Variants in RELB observed in about 807,000 individuals in gnomAD.
RELB encodes the protein transcription factor RelB.
RELB carries 14 observed loss-of-function variants against 55.4 expected under a neutral mutation model. That is an observed-to-expected ratio of 0.25 (90% confidence interval 0.17 to 0.40). RELB has a LOEUF of 0.40. RELB is among the 10% of genes least tolerant of loss of function. The probability of loss-of-function intolerance (pLI) is 1.00; values close to 1 mark genes in which losing one functional copy is unlikely to be tolerated. For synonymous variants in RELB, 409 were observed against 371.3 expected (o/e 1.10, Z -1.17); for missense variants, 669 against 830.7 (o/e 0.81, Z 2.39).
At chr19:45,025,212 G>A in intron 5 of RELB, 117 bp from the exon 6 acceptor site, 1 of 713,578 alleles carries the variant, frequency 1.4e-6, no homozygotes, top group Non-Finnish European at 2.5e-6. Context: ...CTGGGCCTGG[G>A]ATGTCAGCCC....
intron 4 of RELB, 51 bp downstream of exon 4, chr19:45,012,327 C>A: frequency 8.5e-7 from 1 of 1,178,940 alleles, no homozygotes; most frequent in South Asian, 2.1e-5. Flanking sequence ...TTCCCCTGCA[C>A]CCCGGAGCCA....
chr19:45,032,193 G>A (rs922154257), intron 8 of RELB, among the ~76,000 whole-genome samples: 5 of 151,914 alleles, frequency 3.3e-5, no homozygotes, highest in African/African-American at 1.2e-4. Flanking sequence ...CCGAGATCAT[G>A]CCACTGCACT....
At chr19:45,019,962 C>G (rs371516936) in intron 4 of RELB, among the ~76,000 whole-genome samples, 1 of 150,970 alleles carries the variant, frequency 6.6e-6, no homozygotes, top group Admixed American at 6.6e-5. Flanking sequence ...AGGTGATCCA[C>G]CCACCTCGGC....
At chr19:45,027,925 G>C (rs111394634) in intron 7 of RELB, among the ~76,000 whole-genome samples, 1 of 152,024 alleles carries the variant, frequency 6.6e-6, no homozygotes, top group African/African-American at 2.4e-5. Context: ...CTGTTGCCTA[G>C]GCAGTCATGC....
chr19:45,004,823 T>C lies in RELB; in HGVS notation c.154+1827T>C, dbSNP rs35047113. On this transcript the variant is annotated intron_variant, in intron 2 of 11. Transcript: ENST00000221452. ...TGGAGGTTGCCGTGAGCCGAGATCA[T>C]GGCATTGCACTCCAGCCTGGGCAAC... Among the ~76,000 whole-genome samples, 904 of 150,884 alleles carry C rather than the reference T, an allele frequency of 6.0e-3. 13 individuals are homozygous for C. Among genetic ancestry groups the C allele is most frequent in the African/African-American group, 0.02 (836 of 41,026 alleles).
intron 8 of RELB, among the ~76,000 whole-genome samples, chr19:45,031,264 C>T: frequency 6.6e-6 from 1 of 152,032 alleles, no homozygotes; most frequent in African/African-American, 2.4e-5. Context: ...GCTGGGACCA[C>T]AGGCGTGCGC....
chr19:45,014,193 A>T (rs1971395148), intron 4 of RELB, among the ~76,000 whole-genome samples: 1 of 139,250 alleles, frequency 7.2e-6, no homozygotes, highest in South Asian at 2.2e-4. Flanking sequence ...TTTTGGAGAC[A>T]GGGTCTCTCT....
chr19:45,020,073 A>T (rs892467552), intron 4 of RELB, among the ~76,000 whole-genome samples: 32 of 150,746 alleles, frequency 2.1e-4, no homozygotes, highest in African/African-American at 5.6e-4. Flanking sequence ...CTCCTTTTTT[A>T]AAAAAATTAA....
intron 3 of RELB, among the ~76,000 whole-genome samples, chr19:45,010,809 C>T (rs539106630): frequency 6.6e-6 from 1 of 152,214 alleles, no homozygotes; most frequent in East Asian, 1.9e-4. Context: ...TCCCGAGTAG[C>T]TGGGAGTACA....
intron 9 of RELB, among the ~76,000 whole-genome samples, 160 bp downstream of exon 9, chr19:45,032,909 C>T (rs149654627): frequency 1.8e-4 from 27 of 152,152 alleles, no homozygotes; most frequent in African/African-American, 6.0e-4. Flanking sequence ...GGTTGTGTGA[C>T]CTTGGCCTCT....
chr19:45,020,195 A>G (rs188161988), intron 4 of RELB, among the ~76,000 whole-genome samples: 228 of 151,792 alleles, frequency 1.5e-3, no homozygotes, highest in Non-Finnish European at 2.5e-3. Context: ...CCAGGTCACA[A>G]TACATGATTT....
chr19:45,008,490 T>G, intron 2 of RELB: 1 of 456,258 alleles, frequency 2.2e-6, no homozygotes, highest in Non-Finnish European at 4.4e-6. Context: ...AGAAGGATTT[T>G]CCCAGTTCAA....
chr19:45,002,431 C>A (rs1190170402), intron 1 of RELB, among the ~76,000 whole-genome samples: 2 of 152,168 alleles, frequency 1.3e-5, no homozygotes, highest in African/African-American at 4.8e-5. Context: ...AGGCTCACTG[C>A]AACCTCTGCC....
chr19:45,016,909 G>A (rs932183304), intron 4 of RELB, among the ~76,000 whole-genome samples: 5 of 152,178 alleles, frequency 3.3e-5, no homozygotes, highest in Non-Finnish European at 7.4e-5. Flanking sequence ...AAGTTTCTGG[G>A]ATCTGGTCAT....
At chr19:45,003,915 GTTTTTTTTTTTTTTT>G (rs1039624578) in intron 2 of RELB, among the ~76,000 whole-genome samples, 2 of 63,574 alleles carry the variant, frequency 3.1e-5, no homozygotes, top group Non-Finnish European at 5.6e-5. Context: ...TGTTTTTTGT[GTTTTTTTTTTTTTTT>G]TTTTTTTTTT....
chr19:45,037,055 G>A (rs1460906827), intron 11 of RELB, among the ~76,000 whole-genome samples: 2 of 152,124 alleles, frequency 1.3e-5, no homozygotes, highest in African/African-American at 4.8e-5. Context: ...GAAGCAGGTG[G>A]ATCACCTGAG....
chr19:45,029,437 T>A (rs905024457), intron 8 of RELB, among the ~76,000 whole-genome samples: 3 of 151,274 alleles, frequency 2.0e-5, no homozygotes, highest in Admixed American at 1.3e-4. Flanking sequence ...AGACAGCTGG[T>A]CACCGTGGCT....
intron 3 of RELB, among the ~76,000 whole-genome samples, chr19:45,010,315 A>C (rs1054903560): frequency 6.6e-6 from 1 of 151,180 alleles, no homozygotes; most frequent in Non-Finnish European, 1.5e-5. Context: ...ACCGTGTCTC[A>C]AAAAGAAAAC....
intron 3 of RELB, 97 bp downstream of exon 3, chr19:45,009,919 G>A (rs2122403465): frequency 2.4e-6 from 3 of 1,225,794 alleles, no homozygotes; most frequent in Non-Finnish European, 3.5e-6. Context: ...GTGGGGGAGA[G>A]GTGTCACTGT....
Sources: allele counts gnomAD v4.1 joint callset (sites outside exome capture counted in the v4.1 genomes callset), GRCh38; gene constraint gnomAD v4.1.1; transcripts MANE v1.5; gene names NCBI Gene and HGNC (gene_info 2026-07-23, HGNC 2026-07-21).